ASTL: variants seen among roughly 807,000 people sequenced by gnomAD.
ASTL encodes astacin-like metalloendopeptidase.
ASTL carries 27 observed loss-of-function variants against 36.7 expected under a neutral mutation model. That is an observed-to-expected ratio of 0.73 (90% CI 0.54 to 1.01). ASTL has a LOEUF of 1.01. ASTL is among the 50% of genes least tolerant of loss of function. The pLI, the probability that ASTL is intolerant of heterozygous loss-of-function variation, is 0.00. For synonymous variants in ASTL, 222 were observed against 228.1 expected (o/e 0.97, Z 0.24); for missense variants, 524 against 572.8 (o/e 0.91, Z 0.87).
chr2:96,129,792 G>A (rs1362703029), intron 8 of ASTL, 32 bp downstream of exon 8: 1 of 1,510,494 alleles, frequency 6.6e-7, no homozygotes, highest in Non-Finnish European at 8.9e-7. Flanking sequence ...GCCTTCTCCA[G>A]GTTCAAGTCA....
At chr2:96,127,200 G>C (rs1462556686) in intron 8 of ASTL, among the ~76,000 whole-genome samples, 1 of 152,236 alleles carries the variant, frequency 6.6e-6, no homozygotes, top group Non-Finnish European at 1.5e-5. Context: ...GGCAAAGTAG[G>C]TTAGTGATTA....
Position 96,129,809 on chromosome 2 carries a change from T to C in ASTL, c.874+15A>G. The C allele has an allele frequency of 6.6e-7, 1 of 1,520,640 alleles. No homozygotes were observed. Among genetic ancestry groups the C allele is most frequent in the Non-Finnish European group, 8.8e-7 (1 of 1,133,280 alleles). 94.2% of individuals were successfully genotyped at this position (1,520,640 alleles called of 1,614,324 possible). On this transcript the variant is annotated intron_variant, in intron 8 of 8. Transcript: ENST00000342380. ...CTTCTCCAGGTTCAAGTCACCTTCC[T>C]GCCATGCCACTCACCTCTCCCACGG...
intron 8 of ASTL, among the ~76,000 whole-genome samples, chr2:96,125,181 G>A (rs1247149360): frequency 1.3e-5 from 2 of 152,138 alleles, no homozygotes; most frequent in African/African-American, 2.4e-5. Flanking sequence ...ACCCCTCGGA[G>A]GTAGCCTCAA....
At chr2:96,133,719 G>A in intron 4 of ASTL, 177 bp from the exon 5 acceptor site, 1 of 635,720 alleles carries the variant, frequency 1.6e-6, no homozygotes. Flanking sequence ...GCCTTGGGTA[G>A]GTCACTGTCC....
chr2:96,137,545 C>T (rs1682326227), intron 2 of ASTL, 30 bp downstream of exon 2: 1 of 1,608,284 alleles, frequency 6.2e-7, no homozygotes, highest in Non-Finnish European at 8.5e-7. Flanking sequence ...TCGTGCCCCT[C>T]CAGGCCGTGA....
chr2:96,128,719 G>A lies in ASTL; in HGVS notation c.874+1105C>T, dbSNP rs147069389. On this transcript the variant is annotated intron_variant, in intron 8 of 8. Coordinates refer to ENST00000342380, the MANE Select transcript of ASTL (RefSeq NM_001002036.4). The stretch of plus-strand genomic sequence containing the variant: ...ACATCTGCTAGGACAAGTCTTTTTA[G>A]TTTTTCCTTCAGGGATGTCTTGGCT... Among the ~76,000 whole-genome samples the A allele has an allele frequency of 4.7e-3, 713 of 152,284 alleles. 5 individuals are homozygous for A. Among genetic ancestry groups the A allele is most frequent in the Middle Eastern group, 0.024 (7 of 294 alleles).
chr2:96,124,781 C>T lies in ASTL; in HGVS notation c.875-510G>A, dbSNP rs1682032182. On this transcript the variant is annotated intron_variant, in intron 8 of 8. Coordinates refer to ENST00000342380, the MANE Select transcript of ASTL (RefSeq NM_001002036.4). The surrounding 1 kb of genome is among the most constrained non-coding windows in gnomAD (Gnocchi z 4.1). ...CCACCTCTTTGTGGGCACTCTTCCTCATTCAAGCCCATGTTCTCTGGCTGG... is the reference window on the plus strand; with the variant it reads ...CCACCTCTTTGTGGGCACTCTTCCTTATTCAAGCCCATGTTCTCTGGCTGG... 6.6e-6 allele frequency among the ~76,000 whole-genome samples: 1 copy of T among 152,156 alleles called. No homozygotes were observed. The highest frequency in any genetic ancestry group is 1.5e-5 in the Non-Finnish European group (1 of 68,016).
rs1682145389 is a variant in ASTL, at chr2:96,130,145, C to A, written c.638G>T (p.Gly213Val). 6.2e-7 allele frequency: 1 copy of A among 1,611,628 alleles called. No individual in the cohort carries two copies. The highest frequency in any genetic ancestry group is 8.5e-7 in the Non-Finnish European group (1 of 1,177,770). The stretch of plus-strand genomic sequence containing the variant: ...AGACTTGATGAAGTTGATTTCAAAG[C>A]CTAAAAATACAAAAACAATACAACT... The part of the protein sequence containing the change: ...IRVNWNEILP[G>V]FEINFIKSQS... Residue 213 changes from glycine (G) to valine (V), a missense_variant and splice_region_variant, in exon 7 of 9, where the codon GGC becomes GTC. Transcript: ENST00000342380.
At chr2:96,131,880 T>A (rs1453119076) in intron 6 of ASTL, among the ~76,000 whole-genome samples, 1 of 152,170 alleles carries the variant, frequency 6.6e-6, no homozygotes, top group Non-Finnish European at 1.5e-5. Flanking sequence ...TCCTGCCTCC[T>A]GAACCAGACC....
At chr2:96,131,606 C>T (rs1029544083) in intron 6 of ASTL, among the ~76,000 whole-genome samples, 17 of 152,168 alleles carry the variant, frequency 1.1e-4, no homozygotes, top group Admixed American at 3.3e-4. Context: ...TATCCATCCC[C>T]TCCCCCTTTG....
chr2:96,131,025 G>A (rs1682167472), intron 6 of ASTL, among the ~76,000 whole-genome samples: 1 of 152,106 alleles, frequency 6.6e-6, no homozygotes, highest in Middle Eastern at 3.4e-3. Context: ...TTAACCTAAT[G>A]AGAACATATT....
chr2:96,137,845 C>T, intron 1 of ASTL, 145 bp from the exon 2 acceptor site: 2 of 807,938 alleles, frequency 2.5e-6, no homozygotes, highest in Non-Finnish European at 3.8e-6. Context: ...GCCAAGGAGC[C>T]TTCCCAGCCT....
Position 96,132,644 on chromosome 2 carries a change from C to G in ASTL, c.533G>C (p.Gly178Ala). The change falls in exon 6 of 9, where the codon GGC becomes GCC. Residue 178 changes from glycine (G) to alanine (A), a missense_variant. By Grantham distance (60) the Gly-to-Ala change is moderately conservative. Transcript: ENST00000342380. The surrounding 1 kb of genome is among the most constrained non-coding windows in gnomAD (Gnocchi z 5.4). Reference sequence around the variant, plus strand: ...ATGCATGAGCTCATGAAGGACAATGCCCCGGCCCTTCTGGAGACACGTGGG... The same window carrying G: ...ATGCATGAGCTCATGAAGGACAATGGCCCGGCCCTTCTGGAGACACGTGGG... Reference protein sequence around the residue: ...LAPTCLQKGRGIVLHELMHVL... With the variant: ...LAPTCLQKGRAIVLHELMHVL... The G allele has an allele frequency of 1.2e-6, 2 of 1,613,634 alleles. No individual in the cohort carries two copies. Among genetic ancestry groups the G allele is most frequent in the Non-Finnish European group, 1.7e-6 (2 of 1,179,794 alleles).
Position 96,123,784 on chromosome 2 carries a change from G to C in ASTL, c.*66C>G. 1 of 1,404,122 alleles carries C rather than the reference G, an allele frequency of 7.1e-7. No homozygotes were observed. The highest frequency in any genetic ancestry group is 9.9e-7 in the Non-Finnish European group (1 of 1,012,646). 87.0% of individuals were successfully genotyped at this position (1,404,122 alleles called of 1,614,324 possible). A position where few individuals can be genotyped will look rare whatever the true frequency, so the allele number is the denominator to read the frequency against. On this transcript the variant is annotated 3_prime_UTR_variant, in exon 9 of 9. Coordinates refer to ENST00000342380, the MANE Select transcript of ASTL (RefSeq NM_001002036.4). ...CAGTGGTGTGGCCCAAAGGAGCCAA[G>C]AGGTAGACGACCCAGCTCCACTGGG...
chr2:96,130,464 C>A (rs568017770), intron 6 of ASTL, among the ~76,000 whole-genome samples: 1 of 152,240 alleles, frequency 6.6e-6, no homozygotes, highest in African/African-American at 2.4e-5. Flanking sequence ...ACAGCTGCCA[C>A]GGGTCCCACA....
rs1168793670 is a variant in ASTL, at chr2:96,138,397, G to C, written c.40C>G (p.Leu14Val). Residue 14 changes from leucine to valine, a missense_variant, in exon 1 of 9, where the codon CTG becomes GTG. Leu to Val is a conservative substitution (Grantham distance 32). Transcript: ENST00000342380. ...GCCAGCTTACCTGGCAAGGAGAGCA[G>C]ACCCAGCACCCAAGGCCAGAGACCC... The part of the protein sequence containing the change: ...VGGLWPWVLG[L>V]LSLPGVILGA... The C allele has an allele frequency of 9.3e-6, 15 of 1,610,610 alleles. No homozygotes were observed. Among genetic ancestry groups the C allele is most frequent in the Non-Finnish European group, 1.2e-5 (14 of 1,178,528 alleles).
At chr2:96,131,553 C>T (rs1682179212) in intron 6 of ASTL, among the ~76,000 whole-genome samples, 1 of 152,286 alleles carries the variant, frequency 6.6e-6, no homozygotes, top group Non-Finnish European at 1.5e-5. Context: ...TACAGAGTCA[C>T]TTGTCACCCC....
chr2:96,136,444 G>A (rs1052410398), intron 2 of ASTL, among the ~76,000 whole-genome samples: 1 of 152,260 alleles, frequency 6.6e-6, no homozygotes, highest in Admixed American at 6.5e-5. Flanking sequence ...GTAAGGCACG[G>A]GCAGCCCTTA....
rs1187547634 is a variant in ASTL, at chr2:96,132,385, G to T, written c.637+155C>A. 6.6e-6 allele frequency among the ~76,000 whole-genome samples: 1 copy of T among 152,168 alleles called. No homozygotes were observed. Among genetic ancestry groups the T allele is most frequent in the African/African-American group, 2.4e-5 (1 of 41,448 alleles). ...CCAGAGTACCACCTCCAGGTACCAGGTACCAGACAGAAGTGAGACCCCCAC... is the reference window on the plus strand; with the variant it reads ...CCAGAGTACCACCTCCAGGTACCAGTTACCAGACAGAAGTGAGACCCCCAC... On this transcript the variant is annotated intron_variant, in intron 6 of 8. Coordinates refer to ENST00000342380, the MANE Select transcript of ASTL (RefSeq NM_001002036.4). The surrounding 1 kb of genome is among the most constrained non-coding windows in gnomAD (Gnocchi z 5.4).
Sources: gnomAD v4.1 joint callset for allele counts (sites outside exome capture counted in the v4.1 genomes callset) on GRCh38, gnomAD v4.1.1 for gene constraint, Gnocchi (gnomAD v3.1) non-coding constraint, MANE v1.5 for transcripts, NCBI Gene and HGNC (gene_info 2026-07-23, HGNC 2026-07-21) for gene names.